ZNF710: variants seen among roughly 807,000 people sequenced by gnomAD.
ZNF710 encodes zinc finger protein 710.
Under a neutral mutation model 50.6 loss-of-function variants are expected in ZNF710, and 13 were observed. The ratio of observed to expected loss-of-function variants is 0.26; its 90% confidence interval spans 0.17 to 0.41. The LOEUF (loss-of-function observed/expected upper bound fraction) is 0.41, where lower values mean the gene tolerates loss of function less well. Among genes scored for constraint, ZNF710 ranks in the 10% least tolerant of loss-of-function variants. The pLI, the probability that ZNF710 is intolerant of heterozygous loss-of-function variation, is 1.00. For synonymous variants in ZNF710, 383 were observed against 397.0 expected, an observed-to-expected ratio of 0.96 and a Z score of 0.42; for missense variants, 721 against 936.6, an observed-to-expected ratio of 0.77 and a Z score of 3.01.
rs1001193569 is a variant in ZNF710 at position 90,074,419 on chromosome 15, T to C, written c.1825+129T>C. ...GACTTCGTTGGGGTGGGCTCAGGTC[T>C]GGAAGGGGGGTACCCTGGAAGGCCA... On this transcript the variant is annotated intron_variant, in intron 4 of 4. Coordinates refer to ENST00000268154, the MANE Select transcript of ZNF710 (RefSeq NM_198526.4). The C allele has an allele frequency of 4.5e-6, 7 of 1,549,014 alleles. No homozygotes were observed. In the African/African-American group the frequency reaches 9.5e-5, roughly 21 times the overall value.
At chr15:90,026,263 C>CAAAAAAAAAAAA (rs140942275) in intron 1 of ZNF710, among the ~76,000 whole-genome samples, 7 of 100,490 alleles carry the variant, frequency 7.0e-5, no homozygotes, top group Admixed American at 9.9e-5. Context: ...ACAACAACAA[C>CAAAAAAAAAAAA]AACAACAAAA....
rs144139243 is a variant in ZNF710, at chr15:90,067,285, G to A, written c.148G>A (p.Glu50Lys). ...GGCCTTCTACCCGGACCTGGGGCCC[G>A]AGCTTTCAGGGGCAGCCATGGGAGA... ...AEAFYPDLGPELSGAAMGEPE... is the reference protein window; with the variant it reads ...AEAFYPDLGPKLSGAAMGEPE... Residue 50 changes from glutamate (E) to lysine (K), a missense_variant, in exon 2 of 5, where the codon GAG (glutamate) becomes AAG (lysine). By Grantham distance (56) the Glu-to-Lys change is moderately conservative. Coordinates refer to ENST00000268154, the MANE Select transcript of ZNF710 (RefSeq NM_198526.4). This position sits in a 1 kb window ranked among gnomAD's most constrained non-coding sequence, Gnocchi z 8.1. The A allele has an allele frequency of 9.9e-6, 16 of 1,611,604 alleles. No homozygotes were observed. Among genetic ancestry groups the A allele is most frequent in the Admixed American group, 3.3e-5 (2 of 59,714 alleles).
chr15:90,018,040 C>G (rs764484432), intron 1 of ZNF710, among the ~76,000 whole-genome samples: 2 of 152,170 alleles, frequency 1.3e-5, no homozygotes, highest in African/African-American at 4.8e-5. Context: ...TCTGCTCCAT[C>G]ATCTTCTTGT....
At chr15:90,025,353 C>T (rs1339592739) in intron 1 of ZNF710, 1 of 152,148 alleles carries the variant, frequency 6.6e-6, no homozygotes, top group Non-Finnish European at 1.5e-5. Context: ...GTGACCAAAC[C>T]TTGGGCAAAT....
intron 1 of ZNF710, among the ~76,000 whole-genome samples, chr15:90,020,852 A>G (rs1261873274): frequency 6.6e-6 from 1 of 152,152 alleles, no homozygotes; most frequent in African/African-American, 2.4e-5. Context: ...AGTGTTACAG[A>G]TCTCATTCTG....
upstream of ZNF710, among the ~76,000 whole-genome samples, chr15:89,998,325 C>A (rs998855259): frequency 2.0e-5 from 3 of 152,190 alleles, no homozygotes; most frequent in African/African-American, 7.2e-5. Flanking sequence ...AGGGGCCTTC[C>A]TGGATTTCAT....
intron 1 of ZNF710, among the ~76,000 whole-genome samples, chr15:90,019,684 G>A (rs1208023596): frequency 1.3e-5 from 2 of 152,210 alleles, no homozygotes; most frequent in African/African-American, 4.8e-5. Flanking sequence ...CTAGGAAAGG[G>A]AGTCTGTCAT....
intron 1 of ZNF710, among the ~76,000 whole-genome samples, chr15:90,053,909 G>T (rs1899726573): frequency 2.0e-5 from 3 of 152,046 alleles, no homozygotes; most frequent in Admixed American, 1.3e-4. Context: ...TCTGGGGTTT[G>T]TCTCCTCCCT....
chr15:90,022,602 T>G (rs1233706513), intron 1 of ZNF710, among the ~76,000 whole-genome samples: 2 of 152,212 alleles, frequency 1.3e-5, no homozygotes, highest in Non-Finnish European at 2.9e-5. Context: ...GGCGGATCAC[T>G]CTGGCATAAG....
At chr15:90,045,447 G>A in intron 1 of ZNF710, 1 of 963,796 alleles carries the variant, frequency 1.0e-6, no homozygotes. Context: ...CTCTAGTGAG[G>A]TCAACACTGA....
intron 1 of ZNF710, among the ~76,000 whole-genome samples, chr15:90,032,326 C>A (rs1294853793): frequency 1.3e-5 from 2 of 152,302 alleles, no homozygotes; most frequent in East Asian, 1.9e-4. Context: ...ACAGAACGTT[C>A]TCTTTCAACC....
chr15:90,045,566 C>T (rs1019517319), intron 1 of ZNF710, among the ~76,000 whole-genome samples: 2 of 151,968 alleles, frequency 1.3e-5, no homozygotes, highest in Non-Finnish European at 2.9e-5. Flanking sequence ...GGTGGTGGTG[C>T]GTGGCCTGTG....
chr15:90,058,292 G>A (rs924935142), intron 1 of ZNF710, among the ~76,000 whole-genome samples: 8 of 152,152 alleles, frequency 5.3e-5, no homozygotes, highest in South Asian at 2.1e-4. Context: ...TTGATTCACC[G>A]GACAAGGTCA....
At chr15:90,015,656 C>T (rs376529232) in intron 1 of ZNF710, among the ~76,000 whole-genome samples, 33 of 148,752 alleles carry the variant, frequency 2.2e-4, no homozygotes, top group African/African-American at 6.2e-4. Flanking sequence ...AGTGCAATGG[C>T]GCAGTCACAG....
At chr15:90,055,121 C>T (rs1454102285) in intron 1 of ZNF710, among the ~76,000 whole-genome samples, 1 of 152,136 alleles carries the variant, frequency 6.6e-6, no homozygotes, top group Non-Finnish European at 1.5e-5. Flanking sequence ...AGCTATTAGG[C>T]AAGTAATTCT....
chr15:90,062,101 C>T lies in ZNF710; in HGVS notation c.-28-5009C>T, dbSNP rs1200492588. 6.6e-6 allele frequency among the ~76,000 whole-genome samples: 1 copy of T among 151,696 alleles called. No homozygotes were observed. Among genetic ancestry groups the T allele is most frequent in the Non-Finnish European group, 1.5e-5 (1 of 67,860 alleles). On this transcript the variant is annotated intron_variant, in intron 1 of 4. Coordinates refer to ENST00000268154, the MANE Select transcript of ZNF710 (RefSeq NM_198526.4). This position sits in a 1 kb window ranked among gnomAD's most constrained non-coding sequence, Gnocchi z 5.6. ...GGGCTTCCGGTGTCACTGCACGCCC[C>T]TCCCCCTCCCGCCTTTGTTTCTTGG...
intron 1 of ZNF710, among the ~76,000 whole-genome samples, chr15:90,031,454 C>T (rs1388802646): frequency 6.6e-6 from 1 of 152,142 alleles, no homozygotes; most frequent in Non-Finnish European, 1.5e-5. Context: ...TGAGAAGCAG[C>T]GCTCTCATTT....
rs1900212230 is a variant in ZNF710 at position 90,067,479 on chromosome 15, G to A, written c.342G>A (p.Val114=). The change falls in exon 2 of 5, where the codon GTG becomes GTA. Residue 114 remains valine (V), a synonymous_variant. Transcript: ENST00000268154. This position sits in a 1 kb window ranked among gnomAD's most constrained non-coding sequence, Gnocchi z 8.1. ...TGCCCAAGGTCAAGTTCGAGAAGGT[G>A]GAGGAGGAGGAACAGGAGGTCTATG... The part of the protein sequence containing the change: ...RLVPKVKFEK[V]EEEEQEVYEV... The A allele has an allele frequency of 6.2e-7, 1 of 1,613,090 alleles. No individual in the cohort carries two copies. The highest frequency in any genetic ancestry group is 8.5e-7 in the Non-Finnish European group (1 of 1,179,550).
intron 1 of ZNF710, among the ~76,000 whole-genome samples, chr15:90,046,103 A>C (rs1267996013): frequency 6.6e-6 from 1 of 152,146 alleles, no homozygotes; most frequent in Non-Finnish European, 1.5e-5. Flanking sequence ...GGCTCTCTGC[A>C]GAAGGAAGCT....
Sources: gnomAD v4.1 joint callset for allele counts (sites outside exome capture counted in the v4.1 genomes callset) on GRCh38, gnomAD v4.1.1 for gene constraint, Gnocchi (gnomAD v3.1) non-coding constraint, MANE v1.5 for transcripts, NCBI Gene and HGNC (gene_info 2026-07-23, HGNC 2026-07-21) for gene names.